The following SLC18A1 variants were observed in gnomAD, a reference collection of about 807,000 sequenced individuals.
The protein encoded by SLC18A1 is solute carrier family 18 member A1, also known as chromaffin granule amine transporter.
Under a neutral mutation model 53.7 loss-of-function variants are expected in SLC18A1, and 69 were observed. The observed-to-expected ratio is 1.28, with a 90% CI of 1.06 to 1.57. The LOEUF is 1.57. SLC18A1 is among the 40% of genes most tolerant of loss of function. The pLI is 0.00. For missense variants in SLC18A1, 932 were observed against 668.1 expected (o/e 1.40, Z -4.35); for synonymous variants, 320 against 248.1 (o/e 1.29, Z -2.72).
intron 10 of SLC18A1, among the ~76,000 whole-genome samples, chr8:20,153,453 G>C (rs1225346737): frequency 2.0e-5 from 3 of 152,096 alleles, no homozygotes; most frequent in Admixed American, 1.3e-4. Context: ...AGAGGCGGGT[G>C]GATCACAAGG....
At chr8:20,158,974 G>T (rs2071748507) in intron 10 of SLC18A1, among the ~76,000 whole-genome samples, 1 of 152,048 alleles carries the variant, frequency 6.6e-6, no homozygotes. Context: ...ACTAACTGTT[G>T]GATGTACCTC....
chr8:20,171,789 G>A (rs541391968), intron 6 of SLC18A1, among the ~76,000 whole-genome samples: 26 of 152,274 alleles, frequency 1.7e-4, no homozygotes, highest in African/African-American at 6.0e-4. Flanking sequence ...ACAGTAAAAT[G>A]TTGCATGCAA....
intron 10 of SLC18A1, among the ~76,000 whole-genome samples, chr8:20,156,960 C>T (rs546905524): frequency 1.6e-4 from 24 of 152,276 alleles, no homozygotes; most frequent in African/African-American, 4.6e-4. Flanking sequence ...ATGTTGGGCA[C>T]GCTGGTAATG....
At chr8:20,170,577 C>T (rs1476244939) in intron 8 of SLC18A1, among the ~76,000 whole-genome samples, 1 of 151,382 alleles carries the variant, frequency 6.6e-6, no homozygotes, top group African/African-American at 2.4e-5. Context: ...CAAACAAGTA[C>T]CAACTCTGAT....
chr8:20,174,076 T>C (rs889032252), intron 5 of SLC18A1, among the ~76,000 whole-genome samples: 2 of 151,812 alleles, frequency 1.3e-5, no homozygotes, highest in East Asian at 1.9e-4. Context: ...TATTCTCTCT[T>C]TTTTTTAATA....
intron 10 of SLC18A1, among the ~76,000 whole-genome samples, chr8:20,152,893 A>G (rs2071593744): frequency 6.6e-6 from 1 of 152,166 alleles, no homozygotes; most frequent in Non-Finnish European, 1.5e-5. Flanking sequence ...AACCATAATT[A>G]AAGAGAAGAC....
rs745498468 is a variant in SLC18A1 at position 20,147,142 on chromosome 8, G to A, written c.1464+116C>T. On this transcript the variant is annotated intron_variant, in intron 15 of 15. Transcript: ENST00000276373. ...GGATTGGGAAACATGGCAAAGCAGA[G>A]AGAGTATCAACAGAGCAATAGAGGG... The A allele has an allele frequency of 2.5e-5, 27 of 1,087,376 alleles. No homozygotes were observed. In the East Asian group the frequency reaches 3.6e-4, roughly 15 times the overall value. The allele number at this position is 1,087,376 out of a possible 1,614,324, so 67.4% of individuals were successfully genotyped here.
At chr8:20,171,865 C>A (rs1483393720) in intron 6 of SLC18A1, among the ~76,000 whole-genome samples, 3 of 152,076 alleles carry the variant, frequency 2.0e-5, no homozygotes, top group Non-Finnish European at 4.4e-5. Context: ...TGTAGAGTAT[C>A]TGGAGGGGAA....
intron 10 of SLC18A1, among the ~76,000 whole-genome samples, chr8:20,152,803 G>A (rs2071590787): frequency 6.6e-6 from 1 of 152,216 alleles, no homozygotes; most frequent in Admixed American, 6.5e-5. Flanking sequence ...CACAGGAGAT[G>A]AGGAGTAGCC....
Position 20,148,030 on chromosome 8 carries a change from T to A in SLC18A1, c.1187A>T (p.Asn396Ile), listed in dbSNP as rs138654774. Residue 396 changes from asparagine (N) to isoleucine (I), a missense_variant, in exon 13 of 16, where the codon AAT (asparagine) becomes ATT (isoleucine). Asn to Ile is a moderately radical substitution (Grantham distance 149, BLOSUM62 -3). Transcript: ENST00000276373. ...ACCTATGGCAAGGCCAAGCCCTGCATTGGGGCCAATGAGACCAAAAATATT... is the reference window on the plus strand; with the variant it reads ...ACCTATGGCAAGGCCAAGCCCTGCAATGGGGCCAATGAGACCAAAAATATT... ...AHNIFGLIGPNAGLGLAIGMV... is the reference protein window; with the variant it reads ...AHNIFGLIGPIAGLGLAIGMV... 1.2e-6 allele frequency: 2 copies of A among 1,614,004 alleles called. No individual in the cohort carries two copies. The highest frequency in any genetic ancestry group is 4.5e-5 in the East Asian group (2 of 44,888).
At chr8:20,151,158 G>T (rs74998072) in intron 10 of SLC18A1, among the ~76,000 whole-genome samples, 11,022 of 139,292 alleles carry the variant, frequency 0.079, 509 homozygotes, top group Middle Eastern at 0.15. Context: ...TTTTTTTTTT[G>T]TTTGTTTGTT....
In SLC18A1 at chr8:20,181,039, C is replaced by A; in HGVS notation, c.-75G>T. On this transcript the variant is annotated 5_prime_UTR_variant, in exon 2 of 16. Transcript: ENST00000276373. ...TCCTGTGACAGCTACAGGTCTCCTG[C>A]AGCCTTTATGGAAGAGGGGAGGGAG... The A allele has an allele frequency of 2.7e-6, 4 of 1,494,096 alleles. No individual in the cohort carries two copies. Among genetic ancestry groups the A allele is most frequent in the Non-Finnish European group, 3.6e-6 (4 of 1,111,084 alleles). 92.6% of individuals were successfully genotyped at this position (1,494,096 alleles called of 1,614,324 possible).
At chr8:20,150,389 C>A (rs1210827350) in intron 11 of SLC18A1, among the ~76,000 whole-genome samples, 1 of 152,194 alleles carries the variant, frequency 6.6e-6, no homozygotes, top group Non-Finnish European at 1.5e-5. Flanking sequence ...GTTATTTTAT[C>A]TCCTCAACTG....
intron 10 of SLC18A1, among the ~76,000 whole-genome samples, chr8:20,158,553 C>T (rs983998547): frequency 2.0e-5 from 3 of 152,084 alleles, no homozygotes; most frequent in Non-Finnish European, 1.5e-5. Context: ...CTTTCCCTAC[C>T]AAAGGCAGTA....
At chr8:20,147,889 C>A in intron 13 of SLC18A1, 118 bp downstream of exon 13, 1 of 1,425,640 alleles carries the variant, frequency 7.0e-7, no homozygotes. Context: ...CTGCCAGCTG[C>A]CCTCCTGATC....
chr8:20,150,465 G>A (rs2071522277), intron 11 of SLC18A1, among the ~76,000 whole-genome samples: 1 of 152,184 alleles, frequency 6.6e-6, no homozygotes, highest in South Asian at 2.1e-4. Context: ...ATAACAATCA[G>A]CTCAGAGCTC....
intron 4 of SLC18A1, among the ~76,000 whole-genome samples, chr8:20,176,664 T>G (rs2072260839): frequency 6.6e-6 from 1 of 152,170 alleles, no homozygotes; most frequent in Non-Finnish European, 1.5e-5. Flanking sequence ...TAAGTATTTT[T>G]TAGAACATTG....
Position 20,147,326 on chromosome 8 carries a change from C to A in SLC18A1, c.1396G>T (p.Val466Phe), listed in dbSNP as rs759841050. 10 of 1,613,482 alleles carry A rather than the reference C, an allele frequency of 6.2e-6. No individual in the cohort carries two copies. The highest frequency in any genetic ancestry group is 4.2e-6 in the Non-Finnish European group (5 of 1,179,932). Residue 466 changes from valine to phenylalanine, a missense_variant, in exon 15 of 16, where the codon GTC (valine) becomes TTC (phenylalanine). Val to Phe is a conservative substitution (Grantham distance 50, BLOSUM62 -1). Transcript: ENST00000276373. ...GFPWLMVITG[V>F]INIVYAPLCY... ...AGTGGAGCATAGACGATGTTGATGA[C>A]CCCAGTGATGACCATGAGCCAGGGA...
intron 10 of SLC18A1, chr8:20,151,031 G>A: frequency 8.1e-6 from 3 of 369,376 alleles, no homozygotes; most frequent in Non-Finnish European, 1.5e-5. Context: ...GAGTGCAGTG[G>A]TACAATCTCA....
Sources: allele counts gnomAD v4.1 joint callset (sites outside exome capture counted in the v4.1 genomes callset), GRCh38; gene constraint gnomAD v4.1.1; transcripts MANE v1.5; gene names NCBI Gene and HGNC (gene_info 2026-07-23, HGNC 2026-07-21).